The following CDKL4 variants were observed in gnomAD, a reference collection of about 807,000 sequenced individuals.
CDKL4 encodes cyclin-dependent kinase-like 4.
A neutral mutation model predicts 42.0 loss-of-function variants in CDKL4; 44 were observed. That is an observed-to-expected ratio of 1.05 (90% CI 0.82 to 1.35). CDKL4 has a LOEUF of 1.35. Ranked by LOEUF, CDKL4 falls within the 40% of genes most tolerant of loss-of-function variation. The probability of loss-of-function intolerance (pLI) is 0.00; values close to 1 mark genes in which losing one functional copy is unlikely to be tolerated. For missense variants in CDKL4, 393 were observed against 369.9 expected (o/e 1.06, Z -0.51); for synonymous variants, 120 against 121.6 (o/e 0.99, Z 0.09).
chr2:39,220,989 T>TGTTGTTGTTG (rs1558575846), intron 3 of CDKL4, among the ~76,000 whole-genome samples: 18 of 43,800 alleles, frequency 4.1e-4, no homozygotes, highest in African/African-American at 7.5e-4. Context: ...TTTTTTTTTT[T>TGTTGTTGTTG]TTTTTTTTTT....
chr2:39,194,732 T>C (rs1008109467), intron 5 of CDKL4, among the ~76,000 whole-genome samples: 46 of 152,212 alleles, frequency 3.0e-4, no homozygotes, highest in Non-Finnish European at 1.9e-4. Flanking sequence ...CCTTTGGTTA[T>C]TGACTTTAAA....
At chr2:39,234,960 C>T (rs560751780) in intron 1 of CDKL4, among the ~76,000 whole-genome samples, 1 of 151,662 alleles carries the variant, frequency 6.6e-6, no homozygotes, top group African/African-American at 2.4e-5. Flanking sequence ...GCAATCATGA[C>T]TCACTGCAGC....
chr2:39,173,360 C>T (rs1011148524), downstream of CDKL4, among the ~76,000 whole-genome samples: 1 of 152,076 alleles, frequency 6.6e-6, no homozygotes, highest in Admixed American at 6.6e-5. Context: ...TTTCTTTGCA[C>T]CCGTGGTATC....
At chr2:39,244,317 G>C (rs1358723063), upstream of CDKL4, among the ~76,000 whole-genome samples, 2 of 152,236 alleles carry the variant, frequency 1.3e-5, no homozygotes, top group Admixed American at 6.5e-5. Flanking sequence ...CGGCGCTTGC[G>C]GGCCAGCTGG....
At chr2:39,202,640 C>A (rs1299760270) in intron 5 of CDKL4, among the ~76,000 whole-genome samples, 1 of 67,554 alleles carries the variant, frequency 1.5e-5, no homozygotes, top group Non-Finnish European at 3.6e-5. Context: ...TCTATGTTTT[C>A]TTTTAAGAGT....
chr2:39,183,216 G>C (rs573076759), intron 8 of CDKL4, among the ~76,000 whole-genome samples: 1 of 152,044 alleles, frequency 6.6e-6, no homozygotes, highest in East Asian at 1.9e-4. Context: ...GTTGGCGGAG[G>C]TTACAGTGAG....
chr2:39,234,490 C>T (rs951141627), intron 1 of CDKL4, among the ~76,000 whole-genome samples: 2 of 152,006 alleles, frequency 1.3e-5, no homozygotes, highest in Non-Finnish European at 1.5e-5. Flanking sequence ...GAAGTCCGAA[C>T]GTATGTACAA....
intron 3 of CDKL4, among the ~76,000 whole-genome samples, chr2:39,217,736 ATTTATTTATTTT>A (rs1017277009): frequency 1.5e-4 from 8 of 51,716 alleles, no homozygotes; most frequent in South Asian, 6.2e-4. Flanking sequence ...TTATTTATTT[ATTTATTTATTTT>A]TTGAGATAGA....
chr2:39,173,906 C>T (rs1675068729), downstream of CDKL4, among the ~76,000 whole-genome samples: 1 of 151,818 alleles, frequency 6.6e-6, no homozygotes, highest in African/African-American at 2.4e-5. Flanking sequence ...TTGCTTGAGC[C>T]CAGGAGGTCG....
chr2:39,173,079 C>G (rs1675044445), downstream of CDKL4, among the ~76,000 whole-genome samples: 1 of 152,138 alleles, frequency 6.6e-6, no homozygotes, highest in African/African-American at 2.4e-5. Context: ...CTGCCAAAAA[C>G]TTCGTTGTTA....
chr2:39,245,719 T>A (rs1361530761), upstream of CDKL4, among the ~76,000 whole-genome samples: 3 of 152,234 alleles, frequency 2.0e-5, no homozygotes, highest in African/African-American at 7.2e-5. Context: ...GATTAGTTCG[T>A]TTCCCTGCCT....
At chr2:39,235,985 T>C (rs1322746907) in intron 1 of CDKL4, among the ~76,000 whole-genome samples, 2 of 151,690 alleles carry the variant, frequency 1.3e-5, no homozygotes, top group African/African-American at 4.8e-5. Flanking sequence ...GACTCAGATG[T>C]TGGATTTAGC....
At chr2:39,190,042 TA>T (rs1676081184) in intron 6 of CDKL4, among the ~76,000 whole-genome samples, 2 of 152,142 alleles carry the variant, frequency 1.3e-5, no homozygotes, top group South Asian at 4.1e-4. Flanking sequence ...ATATGGAAAG[TA>T]AATGTATAGT....
At chr2:39,227,744 A>C (rs755947758) in intron 2 of CDKL4, among the ~76,000 whole-genome samples, 1 of 152,220 alleles carries the variant, frequency 6.6e-6, no homozygotes, top group Non-Finnish European at 1.5e-5. Context: ...TAGGGGAGTA[A>C]AAGATTTACA....
chr2:39,233,740 C>T (rs1679212145), intron 1 of CDKL4, among the ~76,000 whole-genome samples: 1 of 151,326 alleles, frequency 6.6e-6, no homozygotes, highest in Admixed American at 6.6e-5. Context: ...AAAAAACACA[C>T]AAAATCTAAC....
chr2:39,179,068 C>A (rs527740620), intron 9 of CDKL4, 119 bp downstream of exon 9: 1 of 1,514,260 alleles, frequency 6.6e-7, no homozygotes, highest in Non-Finnish European at 8.8e-7. Context: ...TAGACAAATA[C>A]AACTACACCA....
intron 5 of CDKL4, among the ~76,000 whole-genome samples, chr2:39,202,256 A>G (rs1676902271): frequency 2.0e-5 from 3 of 151,908 alleles, no homozygotes; most frequent in African/African-American, 7.3e-5. Context: ...ACAAAACAAA[A>G]CAAAACAAAA....
At chr2:39,226,055 A>C (rs1338314901) in intron 2 of CDKL4, 95 bp from the exon 3 acceptor site, 1 of 1,281,838 alleles carries the variant, frequency 7.8e-7, no homozygotes, top group Non-Finnish European at 1.0e-6. Flanking sequence ...GAAGAAATTT[A>C]AGATTCATCC....
downstream of CDKL4, among the ~76,000 whole-genome samples, chr2:39,173,365 G>T (rs1469797758): frequency 6.6e-6 from 1 of 152,064 alleles, no homozygotes; most frequent in Non-Finnish European, 1.5e-5. Context: ...TTGCACCCGT[G>T]GTATCGTCCT....
Sources: gnomAD v4.1 joint callset for allele counts (sites outside exome capture counted in the v4.1 genomes callset) on GRCh38, gnomAD v4.1.1 for gene constraint, MANE v1.5 for transcripts, NCBI Gene and HGNC (gene_info 2026-07-23, HGNC 2026-07-21) for gene names.